Variants in KMT2B observed in about 807,000 individuals in gnomAD.
The protein encoded by KMT2B is histone-lysine N-methyltransferase 2B.
KMT2B carries 22 observed loss-of-function variants against 255.3 expected under a neutral mutation model. The observed-to-expected ratio is 0.09, with a 90% CI of 0.06 to 0.12. The LOEUF (loss-of-function observed/expected upper bound fraction) is 0.12, where lower values mean the gene tolerates loss of function less well. Ranked by LOEUF, KMT2B falls within the 10% of genes least tolerant of loss-of-function variation. The pLI is 1.00. For missense variants in KMT2B, 3,149 were observed against 3,737.0 expected (o/e 0.84, Z 4.10); for synonymous variants, 1,730 against 1,498.1 (o/e 1.15, Z -3.57).
At chr19:35,722,761 C>T in intron 5 of KMT2B, 43 bp downstream of exon 5, 2 of 1,540,616 alleles carry the variant, frequency 1.3e-6, no homozygotes, top group Non-Finnish European at 1.7e-6. Flanking sequence ...TTGGGGATGA[C>T]CCCACACTTG....
At chr19:35,726,182 A>G (rs1599681674) in intron 13 of KMT2B, 54 bp from the exon 14 acceptor site, 1 of 1,356,320 alleles carries the variant, frequency 7.4e-7, no homozygotes, top group Non-Finnish European at 1.0e-6. Flanking sequence ...TCTCCCGCTC[A>G]TGTTGCTCCA....
rs1969132118 is a variant in KMT2B, at chr19:35,720,306, C to T, written c.959C>T (p.Ser320Phe). 3.7e-6 allele frequency: 6 copies of T among 1,613,060 alleles called. No individual in the cohort carries two copies. The highest frequency in any genetic ancestry group is 5.1e-6 in the Non-Finnish European group (6 of 1,179,676). ...RAKKVKMGQL[S>F]LGLESGQGQG... Reference sequence around the variant, plus strand: ...AAAAAAGTAAAGATGGGACAATTGTCCTTGGGACTCGAATCAGGTCAAGGT... The same window carrying T: ...AAAAAAGTAAAGATGGGACAATTGTTCTTGGGACTCGAATCAGGTCAAGGT... The change falls in exon 3 of 37, where the codon TCC (serine) becomes TTC (phenylalanine). Residue 320 changes from serine to phenylalanine, a missense_variant. Around this residue, in one of 18 missense-constraint regions of KMT2B, gnomAD observed 1,188 missense variants for 1,106.4 expected, o/e 1.07. Transcript: ENST00000420124.
In KMT2B at chr19:35,733,476, T is replaced by C. The variant is rs750656320; in HGVS notation, c.6927T>C (p.Asp2309=). The C allele has an allele frequency of 2.6e-6, 4 of 1,564,598 alleles. No individual in the cohort carries two copies. Among genetic ancestry groups the C allele is most frequent in the Non-Finnish European group, 3.5e-6 (4 of 1,154,876 alleles). The change falls in exon 28 of 37, where the codon GAT becomes GAC. Residue 2309 remains aspartate (D), a synonymous_variant. Transcript: ENST00000420124. This position sits in a 1 kb window ranked among gnomAD's most constrained non-coding sequence, Gnocchi z 4.3. ...RLDEDGEASE[D]TPQVPGLGSG... ...ATGAAGATGGAGAGGCCTCAGAGGA[T>C]ACCCCTCAGGTTCCAGGGCTTGGCA...
At position 35,727,400 on chromosome 19, in the gene KMT2B, C is replaced by T; in HGVS notation, c.4118-38C>T. 2 of 1,611,290 alleles carry T rather than the reference C, an allele frequency of 1.2e-6. No homozygotes were observed. The highest frequency in any genetic ancestry group is 1.7e-6 in the Non-Finnish European group (2 of 1,178,090). On this transcript the variant is annotated intron_variant, in intron 15 of 36. Transcript: ENST00000420124. This position sits in a 1 kb window ranked among gnomAD's most constrained non-coding sequence, Gnocchi z 4.2. ...GGGCTGCTGGGAGCCCTCACATCCT[C>T]TGAAACCACTTTTCCCTTTCCCACT...
chr19:35,737,447 C>G lies in KMT2B; in HGVS notation c.7550+184C>G. On this transcript the variant is annotated intron_variant, in intron 33 of 36. Coordinates refer to ENST00000420124, the MANE Select transcript of KMT2B (RefSeq NM_014727.3). The surrounding 1 kb of genome is among the most constrained non-coding windows in gnomAD (Gnocchi z 5.3). Reference sequence around the variant, plus strand: ...CTGTAATCCCGCCACTTTGGGAGGCCGAGGCAGGAGGATCGCATGAGCCCA... The same window carrying G: ...CTGTAATCCCGCCACTTTGGGAGGCGGAGGCAGGAGGATCGCATGAGCCCA... The G allele has an allele frequency of 2.5e-6, 2 of 800,914 alleles. No individual in the cohort carries two copies. The highest frequency in any genetic ancestry group is 1.9e-5 in the South Asian group (1 of 52,220). 49.6% of individuals were successfully genotyped at this position (800,914 alleles called of 1,614,324 possible).
Position 35,718,360 on chromosome 19 carries a change from T to C in KMT2B, c.342T>C (p.Ser114=), listed in dbSNP as rs369129941. ...SRGCVPEEES[S]DGESDEEEFQ... ...GCTGCGTGCCGGAGGAGGAGAGCAG[T>C]GACGGGGAATCCGACGAGGAGGTGA... is the stretch of plus-strand genomic sequence containing the variant. Residue 114 remains serine (S), a synonymous_variant, in exon 1 of 37, where the codon AGT becomes AGC. Coordinates refer to ENST00000420124, the MANE Select transcript of KMT2B (RefSeq NM_014727.3). The surrounding 1 kb of genome is among the most constrained non-coding windows in gnomAD (Gnocchi z 5.0). 319 of 1,268,084 alleles carry C rather than the reference T, an allele frequency of 2.5e-4. No homozygotes were observed. The highest frequency in any genetic ancestry group is 9.4e-4 in the Middle Eastern group (3 of 3,208). The allele number at this position is 1,268,084 out of a possible 1,614,324, so 78.6% of individuals were successfully genotyped here.
intron 5 of KMT2B, 61 bp downstream of exon 5, chr19:35,722,779 T>C (rs1200554033): frequency 1.3e-6 from 2 of 1,528,770 alleles, no homozygotes; most frequent in Non-Finnish European, 8.8e-7. Flanking sequence ...TTGGGTGACA[T>C]GCACCAAGAG....
rs2146483943 is a variant in KMT2B, at chr19:35,738,713, C to T, written c.*156C>T. The T allele has an allele frequency of 1.3e-6, 1 of 781,012 alleles. No individual in the cohort carries two copies. The highest frequency in any genetic ancestry group is 2.0e-6 in the Non-Finnish European group (1 of 499,872). 48.4% of individuals were successfully genotyped at this position (781,012 alleles called of 1,614,324 possible). A position where few individuals can be genotyped will look rare whatever the true frequency, so the allele number is the denominator to read the frequency against. On this transcript the variant is annotated 3_prime_UTR_variant, in exon 37 of 37. Transcript: ENST00000420124. This position sits in a 1 kb window ranked among gnomAD's most constrained non-coding sequence, Gnocchi z 8.7. ...CATGCAGGTGACAAGGGCCCTGCCT[C>T]CACCCCTCCAGCCCATCCAGCAATC...
Position 35,725,135 on chromosome 19 carries a change from C to T in KMT2B, c.3528+48C>T, listed in dbSNP as rs1969384426. 2 of 1,581,706 alleles carry T rather than the reference C, an allele frequency of 1.3e-6. No individual in the cohort carries two copies. Among genetic ancestry groups the T allele is most frequent in the African/African-American group, 2.7e-5 (2 of 74,244 alleles). ...TCACAGAGCCTCTGGTTGGAAGAAC[C>T]TCGATGACTGTGTCATCGAGAAGCC... On this transcript the variant is annotated intron_variant, in intron 10 of 36. Transcript: ENST00000420124. This position sits in a 1 kb window ranked among gnomAD's most constrained non-coding sequence, Gnocchi z 4.1.
At chr19:35,735,948 T>A (rs992273793) in intron 30 of KMT2B, 1 of 152,324 alleles carries the variant, frequency 6.6e-6, no homozygotes, top group Non-Finnish European at 1.5e-5. Flanking sequence ...TGTACTTGGC[T>A]CTGTGCATGT....
At position 35,736,723 on chromosome 19, in the gene KMT2B, C is replaced by T. The variant is rs755301114; in HGVS notation, c.7193C>T (p.Ser2398Phe). 2 of 1,613,924 alleles carry T rather than the reference C, an allele frequency of 1.2e-6. No individual in the cohort carries two copies. Among genetic ancestry groups the T allele is most frequent in the South Asian group, 1.1e-5 (1 of 91,086 alleles). Reference protein sequence around the residue: ...EASSSEEEPPSPDDKENQAPK... With the variant: ...EASSSEEEPPFPDDKENQAPK... ...TCGAGCTCTGAGGAAGAGCCTCCAT[C>T]CCCAGATGATAAAGAGAACCAGGCC... The change falls in exon 31 of 37, where the codon TCC (serine) becomes TTC (phenylalanine). Residue 2398 changes from serine to phenylalanine, a missense_variant. Coordinates refer to ENST00000420124, the MANE Select transcript of KMT2B (RefSeq NM_014727.3).
In KMT2B at chr19:35,724,998, G is replaced by T. The variant is rs750397397; in HGVS notation, c.3439G>T (p.Ala1147Ser). The T allele has an allele frequency of 3.1e-6, 5 of 1,611,630 alleles. No individual in the cohort carries two copies. The highest frequency in any genetic ancestry group is 4.2e-6 in the Non-Finnish European group (5 of 1,177,788). Residue 1147 changes from alanine to serine, a missense_variant, in exon 10 of 37, where the codon GCC (alanine) becomes TCC (serine). By Grantham distance (99) the Ala-to-Ser change is moderately conservative. This residue lies in a region of KMT2B where 136 missense variants were observed against 137.3 expected (regional missense o/e 0.99). Transcript: ENST00000420124. ...ARRRLDKDAL[A>S]PGPFASFPNG... ...CACCTTTCCTCCCCAGGATGCTTTG[G>T]CCCCTGGCCCCTTTGCTTCTTTTCC...
In KMT2B at chr19:35,736,598, A is replaced by T. The variant is rs1599702476; in HGVS notation, c.7160-92A>T. 2.7e-6 allele frequency: 4 copies of T among 1,473,100 alleles called. No individual in the cohort carries two copies. In the East Asian group the frequency reaches 9.6e-5, roughly 35 times the overall value. The allele number at this position is 1,473,100 out of a possible 1,614,324, so 91.3% of individuals were successfully genotyped here. ...TATCTGTGTCTGCGCCTAGGGGTGG[A>T]GAGAGTGGTGTCTGCTGGGAGCACA... On this transcript the variant is annotated intron_variant, in intron 30 of 36. Coordinates refer to ENST00000420124, the MANE Select transcript of KMT2B (RefSeq NM_014727.3).
In KMT2B at chr19:35,723,357, G is replaced by A; in HGVS notation, c.3002+83G>A. 3 of 1,554,660 alleles carry A rather than the reference G, an allele frequency of 1.9e-6. No individual in the cohort carries two copies. The highest frequency in any genetic ancestry group is 2.6e-6 in the Non-Finnish European group (3 of 1,145,270). On this transcript the variant is annotated intron_variant, in intron 6 of 36. Coordinates refer to ENST00000420124, the MANE Select transcript of KMT2B (RefSeq NM_014727.3). This position sits in a 1 kb window ranked among gnomAD's most constrained non-coding sequence, Gnocchi z 7.5. ...CTCACTCCTCTTCTGCCTGGCCAGA[G>A]CAGTGGGGTTGGCATTCTTGTGGAG...
Position 35,727,362 on chromosome 19 carries a change from C to G in KMT2B, c.4118-76C>G. On this transcript the variant is annotated intron_variant, in intron 15 of 36. Coordinates refer to ENST00000420124, the MANE Select transcript of KMT2B (RefSeq NM_014727.3). This position sits in a 1 kb window ranked among gnomAD's most constrained non-coding sequence, Gnocchi z 4.2. ...CAAGAGGACTGGTGGGCTAAGGGTC[C>G]TTGCTGGCCTAGGGGCTGCTGGGAG... The G allele has an allele frequency of 6.3e-7, 1 of 1,588,012 alleles. No individual in the cohort carries two copies. The highest frequency in any genetic ancestry group is 8.6e-7 in the Non-Finnish European group (1 of 1,157,122).
intron 19 of KMT2B, 108 bp from the exon 20 acceptor site, chr19:35,728,666 T>C (rs1053553307): frequency 1.0e-5 from 8 of 773,082 alleles, no homozygotes; most frequent in South Asian, 1.5e-5. Flanking sequence ...AAATTCCACA[T>C]AGAGAGGGAG....
chr19:35,732,038 C>G lies in KMT2B; in HGVS notation c.5568C>G (p.Ala1856=). The part of the protein sequence containing the change: ...RPDSGSAPPP[A]PRSFSGARIK... ...ATTCAGGCAGCGCCCCTCCTCCAGC[C>G]CCCCGTTCTTTTTCGGGGGCTCGAA... The change falls in exon 27 of 37, where the codon GCC becomes GCG. Residue 1856 remains alanine, a synonymous_variant. Transcript: ENST00000420124. 6.2e-7 allele frequency: 1 copy of G among 1,612,966 alleles called. No individual in the cohort carries two copies. Among genetic ancestry groups the G allele is most frequent in the Non-Finnish European group, 8.5e-7 (1 of 1,179,504 alleles).
rs748041463 is a variant in KMT2B, at chr19:35,732,522, G to A, written c.5973G>A (p.Leu1991=). Residue 1991 remains leucine (L), a synonymous_variant, in exon 28 of 37, where the codon CTG becomes CTA. Transcript: ENST00000420124. The part of the protein sequence containing the change: ...EVVSGLSAAD[L]DFAASLLGTE... The stretch of plus-strand genomic sequence containing the variant: ...TGTCAGGACTGAGTGCTGCTGACCT[G>A]GACTTCGCGGCCAGCCTGCTGGGGA... 5 of 1,613,816 alleles carry A rather than the reference G, an allele frequency of 3.1e-6. No individual in the cohort carries two copies. Among genetic ancestry groups the A allele is most frequent in the African/African-American group, 1.3e-5 (1 of 74,918 alleles).
Position 35,721,531 on chromosome 19 carries a change from C to T in KMT2B, c.2184C>T (p.Ser728=). ...CCCCTCACGGGGCTCCAGCTCTGAG[C>T]AACGGGCCACAGACACAGGCTCAGC... is the stretch of plus-strand genomic sequence containing the variant. ...EVSPHGAPAL[S]NGPQTQAQLL... Residue 728 remains serine, a synonymous_variant, in exon 3 of 37, where the codon AGC becomes AGT. Coordinates refer to ENST00000420124, the MANE Select transcript of KMT2B (RefSeq NM_014727.3). 6.2e-7 allele frequency: 1 copy of T among 1,611,662 alleles called. No homozygotes were observed. The highest frequency in any genetic ancestry group is 8.5e-7 in the Non-Finnish European group (1 of 1,179,862).
Sources: gnomAD v4.1 joint callset for allele counts on GRCh38, gnomAD v4.1.1 for gene constraint, gnomAD v4.1.1 regional missense constraint, Gnocchi (gnomAD v3.1) non-coding constraint, MANE v1.5 for transcripts, NCBI Gene and HGNC (gene_info 2026-07-23, HGNC 2026-07-21) for gene names.